Variants in ZNF25 observed in about 807,000 individuals in gnomAD.
ZNF25 encodes zinc finger protein 25 (KOX 19).
A neutral mutation model predicts 30.9 loss-of-function variants in ZNF25; 21 were observed. The observed-to-expected ratio is 0.68, with a 90% confidence interval of 0.48 to 0.98. ZNF25 has a LOEUF of 0.98. Among genes scored for constraint, ZNF25 ranks in the 50% least tolerant of loss-of-function variants. The pLI, the probability that ZNF25 is intolerant of heterozygous loss-of-function variation, is 0.00. For synonymous variants in ZNF25, 169 were observed against 181.3 expected (o/e 0.93, Z 0.55); for missense variants, 501 against 529.9 (o/e 0.95, Z 0.54).
Position 37,952,188 on chromosome 10 carries a change from T to C in ZNF25, c.1310A>G (p.Gln437Arg), listed in dbSNP as rs745682629. Residue 437 changes from glutamine (Q) to arginine (R), a missense_variant, in exon 6 of 6, where the codon CAG becomes CGG. Transcript: ENST00000302609. ...ECQECGETFI[Q>R]KSQLTAHQKT... ...CTGATGTGCAGTGAGTTGTGACTTC[T>C]GGATAAAGGTTTCCCCACACTCCTG... 2 of 1,610,390 alleles carry C rather than the reference T, an allele frequency of 1.2e-6. No individual in the cohort carries two copies. Among genetic ancestry groups the C allele is most frequent in the East Asian group, 2.2e-5 (1 of 44,834 alleles).
chr10:37,961,922 CAAAA>C (rs71533129), intron 2 of ZNF25, among the ~76,000 whole-genome samples: 7 of 39,080 alleles, frequency 1.8e-4, no homozygotes, highest in Admixed American at 1.3e-3. Context: ...AACTCCATCT[CAAAA>C]AAAAAAAAAA....
chr10:37,973,796 G>C (rs1479211914), intron 1 of ZNF25, among the ~76,000 whole-genome samples: 1 of 151,738 alleles, frequency 6.6e-6, no homozygotes, highest in African/African-American at 2.4e-5. Context: ...AATTTATATG[G>C]AACCACCAAA....
chr10:37,967,411 T>C (rs1590290844), intron 2 of ZNF25, among the ~76,000 whole-genome samples: 1 of 151,166 alleles, frequency 6.6e-6, no homozygotes, highest in African/African-American at 2.4e-5. Flanking sequence ...TACGACCACA[T>C]GATTTTCTTC....
chr10:37,950,566 AT>A lies in ZNF25; in HGVS notation c.*1560del, dbSNP rs34503699. On this transcript the variant is annotated 3_prime_UTR_variant, in exon 6 of 6. Coordinates refer to ENST00000302609, the MANE Select transcript of ZNF25 (RefSeq NM_145011.4). ...GGGGAATGAATGTTGGGTAGCCAAC[AT>A]TTTTTTTTTTTTTGCAGCGTAATTC... 0.021 allele frequency: 3,037 copies of A among 146,378 alleles called. 45 individuals are homozygous for A. The highest frequency in any genetic ancestry group is 0.056 in the Middle Eastern group (16 of 288). 9.1% of individuals were successfully genotyped at this position (146,378 alleles called of 1,614,324 possible). A position where few individuals can be genotyped will look rare whatever the true frequency, so the allele number is the denominator to read the frequency against.
chr10:37,954,717 T>C (rs1024569943), intron 4 of ZNF25, among the ~76,000 whole-genome samples: 9 of 152,214 alleles, frequency 5.9e-5, no homozygotes, highest in Non-Finnish European at 8.8e-5. Context: ...TTCATATTTA[T>C]GCATCTTTAA....
rs117389128 is a variant in ZNF25, at chr10:37,967,700, G to A, written c.15+4008C>T. 1.8e-3 allele frequency among the ~76,000 whole-genome samples: 278 copies of A among 152,104 alleles called. 7 individuals are homozygous for A. The East Asian group carries it at 0.048, about 26-fold the overall frequency. ...TAGGATTACAGGCATGAGCCACCACGTTCAGCCCCAACTGATTTTCAACGA... is the reference window on the plus strand; with the variant it reads ...TAGGATTACAGGCATGAGCCACCACATTCAGCCCCAACTGATTTTCAACGA... On this transcript the variant is annotated intron_variant, in intron 2 of 5. Transcript: ENST00000302609.
rs1359279986 is a variant in ZNF25, at chr10:37,950,123, C to T, written c.*2004G>A. The T allele has an allele frequency of 6.6e-6, 1 of 152,562 alleles. No individual in the cohort carries two copies. Among genetic ancestry groups the T allele is most frequent in the African/African-American group, 2.4e-5 (1 of 41,432 alleles). The allele number at this position is 152,562 out of a possible 1,614,324, so 9.5% of individuals were successfully genotyped here. A position where few individuals can be genotyped will look rare whatever the true frequency, so the allele number is the denominator to read the frequency against. On this transcript the variant is annotated 3_prime_UTR_variant, in exon 6 of 6. Coordinates refer to ENST00000302609, the MANE Select transcript of ZNF25 (RefSeq NM_145011.4). ...CGTAACTCTACATTGCTTTTATTTT[C>T]AGCTCTAAGTAACAGAAAAACTTAC... is the stretch of plus-strand genomic sequence containing the variant.
chr10:37,972,899 G>A (rs561024305), intron 1 of ZNF25, among the ~76,000 whole-genome samples: 1 of 152,312 alleles, frequency 6.6e-6, no homozygotes, highest in Non-Finnish European at 1.5e-5. Flanking sequence ...CAGGCACGGT[G>A]GCTCACGCCT....
chr10:37,959,916 T>G (rs1006146840), intron 2 of ZNF25, among the ~76,000 whole-genome samples: 1 of 151,694 alleles, frequency 6.6e-6, no homozygotes, highest in Non-Finnish European at 1.5e-5. Flanking sequence ...AACCGGTTTT[T>G]TTGTTGTTGT....
intron 2 of ZNF25, among the ~76,000 whole-genome samples, chr10:37,967,668 A>G (rs940318116): frequency 2.6e-5 from 4 of 152,160 alleles, no homozygotes; most frequent in Admixed American, 6.5e-5. Flanking sequence ...TCGGTCACCT[A>G]AAGTGTTAGG....
In ZNF25 at chr10:37,951,803, G is replaced by A. The variant is rs1041856131; in HGVS notation, c.*324C>T. On this transcript the variant is annotated 3_prime_UTR_variant, in exon 6 of 6. Coordinates refer to ENST00000302609, the MANE Select transcript of ZNF25 (RefSeq NM_145011.4). ...CCTGACAGAAAATGTCTTGACATTC[G>A]TTTTACTTACAGGATTTTTCTCCTG... 4 of 234,902 alleles carry A rather than the reference G, an allele frequency of 1.7e-5. No homozygotes were observed. The highest frequency in any genetic ancestry group is 1.4e-4 in the South Asian group (1 of 7,128). The allele number at this position is 234,902 out of a possible 1,614,324, so 14.6% of individuals were successfully genotyped here.
At chr10:37,961,597 CA>C (rs773545151) in intron 2 of ZNF25, among the ~76,000 whole-genome samples, 39 of 148,728 alleles carry the variant, frequency 2.6e-4, no homozygotes, top group South Asian at 8.5e-4. Context: ...AAAGAAACTA[CA>C]AAAAAAAAAT....
At position 37,952,711 on chromosome 10, in the gene ZNF25, A is replaced by T. The variant is rs2062234901; in HGVS notation, c.787T>A (p.Cys263Ser). The T allele has an allele frequency of 1.2e-6, 2 of 1,613,278 alleles. No homozygotes were observed. The highest frequency in any genetic ancestry group is 8.5e-7 in the Non-Finnish European group (1 of 1,179,816). Residue 263 changes from cysteine to serine, a missense_variant, in exon 6 of 6, where the codon TGT becomes AGT. Cys to Ser is a moderately radical substitution (Grantham distance 112, BLOSUM62 -1). Coordinates refer to ENST00000302609, the MANE Select transcript of ZNF25 (RefSeq NM_145011.4). Reference protein sequence around the residue: ...TGEKPYECKECGKAFSQKSHL... With the variant: ...TGEKPYECKESGKAFSQKSHL... ...GACTTCTGGGAAAAGGCTTTCCCACACTCCTTACACTCATAGGGTTTCTCC... is the reference window on the plus strand; with the variant it reads ...GACTTCTGGGAAAAGGCTTTCCCACTCTCCTTACACTCATAGGGTTTCTCC...
Position 37,957,031 on chromosome 10 carries a change from C to T in ZNF25, c.227G>A (p.Arg76Gln), listed in dbSNP as rs148696381. The T allele has an allele frequency of 3.8e-4, 617 of 1,613,960 alleles. 2 individuals are homozygous for T. In the African/African-American group the frequency reaches 6.7e-3, roughly 17 times the overall value. Residue 76 changes from arginine (R) to glutamine (Q), a missense_variant, in exon 4 of 6, where the codon CGG (arginine) becomes CAG (glutamine). Arg to Gln is a conservative substitution (Grantham distance 43). Transcript: ENST00000302609. ...PWILEVEFPH[R>Q]GFPEDLWSIH... is the part of the protein sequence containing the mutation. ...TTCTTCTAACTCACCAGGGAAGCCC[C>T]GATGTGGAAATTCTACTTCTAATAT...
chr10:37,971,167 T>A (rs1421637293), intron 2 of ZNF25, among the ~76,000 whole-genome samples: 4 of 151,868 alleles, frequency 2.6e-5, no homozygotes, highest in Non-Finnish European at 5.9e-5. Flanking sequence ...ATACAAAAAA[T>A]TAGCTGGGCA....
chr10:37,962,443 GAAA>G (rs1408242512), intron 2 of ZNF25, among the ~76,000 whole-genome samples: 2 of 152,090 alleles, frequency 1.3e-5, no homozygotes, highest in Non-Finnish European at 2.9e-5. Context: ...AATATTCACT[GAAA>G]GACCATTTTC....
chr10:37,967,709 C>T (rs994739409), intron 2 of ZNF25, among the ~76,000 whole-genome samples: 2 of 151,996 alleles, frequency 1.3e-5, no homozygotes, highest in African/African-American at 4.8e-5. Context: ...CGTTCAGCCC[C>T]AACTGATTTT....
At chr10:37,973,382 T>C (rs759095074) in intron 1 of ZNF25, among the ~76,000 whole-genome samples, 2 of 151,766 alleles carry the variant, frequency 1.3e-5, no homozygotes, top group Non-Finnish European at 2.9e-5. Context: ...TTGGGAGGTG[T>C]AGGCAGGTGG....
At chr10:37,961,544 C>T (rs1168761143) in intron 2 of ZNF25, among the ~76,000 whole-genome samples, 2 of 151,918 alleles carry the variant, frequency 1.3e-5, no homozygotes, top group African/African-American at 4.8e-5. Flanking sequence ...TAAAAGCATA[C>T]AAACGATGCA....
Sources: allele counts gnomAD v4.1 joint callset (sites outside exome capture counted in the v4.1 genomes callset), GRCh38; gene constraint gnomAD v4.1.1; transcripts MANE v1.5; gene names NCBI Gene and HGNC (gene_info 2026-07-23, HGNC 2026-07-21).